Variants in GATAD1 observed in about 807,000 individuals in gnomAD.
GATAD1 encodes the protein GATA zinc finger domain containing 1.
In GATAD1, 12 loss-of-function variants were observed where a neutral mutation model predicts 26.5. That is an observed-to-expected ratio of 0.45 (90% CI 0.29 to 0.73). GATAD1 has a LOEUF of 0.73. GATAD1 is among the 30% of genes least tolerant of loss of function. The probability of loss-of-function intolerance (pLI) is 0.10; values close to 1 mark genes in which losing one functional copy is unlikely to be tolerated. For synonymous variants in GATAD1, 129 were observed against 133.1 expected, an observed-to-expected ratio of 0.97 and a Z score of 0.21; for missense variants, 266 against 342.1, an observed-to-expected ratio of 0.78 and a Z score of 1.75.
the GATAD1 span, chr7:92,477,798 T>C: frequency 5.5e-4 from 99 of 181,012 alleles, no homozygotes; most frequent in Non-Finnish European, 8.6e-4. Flanking sequence ...TCTGCGGTGG[T>C]GGCAAACAGC....
chr7:92,494,663 C>T, the GATAD1 span: 2 of 1,608,546 alleles, frequency 1.2e-6, no homozygotes, highest in African/African-American at 1.3e-5. Flanking sequence ...ATATTTGAAT[C>T]AGGCTTCATA....
chr7:92,488,007 A>G, the GATAD1 span, among the ~76,000 whole-genome samples: 1 of 152,212 alleles, frequency 6.6e-6, no homozygotes, highest in African/African-American at 2.4e-5. Flanking sequence ...AAACAATTAG[A>G]TATGTGCATA....
chr7:92,494,314 T>C, the GATAD1 span: 35 of 1,613,740 alleles, frequency 2.2e-5, no homozygotes, highest in South Asian at 3.7e-4. Context: ...GAGGACAGTA[T>C]ACACATTTAT....
the GATAD1 span, among the ~76,000 whole-genome samples, chr7:92,475,603 A>G: frequency 6.9e-6 from 1 of 144,234 alleles, no homozygotes; most frequent in South Asian, 2.2e-4. Context: ...GTAACCACCC[A>G]TGGACCTCTG....
chr7:92,455,646 A>G (rs1789639276), intron 4 of GATAD1, among the ~76,000 whole-genome samples: 1 of 152,234 alleles, frequency 6.6e-6, no homozygotes, highest in African/African-American at 2.4e-5. Context: ...AGCATGCATC[A>G]TTACTTTTGC....
At chr7:92,450,644 A>C in intron 2 of GATAD1, 57 bp from the exon 3 acceptor site, 1 of 1,147,250 alleles carries the variant, frequency 8.7e-7, no homozygotes, top group Non-Finnish European at 1.3e-6. Context: ...GGGCTGGGAA[A>C]ATGCCTGTAG....
chr7:92,491,377 T>TA, the GATAD1 span: 4 of 1,613,470 alleles, frequency 2.5e-6, no homozygotes, highest in Non-Finnish European at 3.4e-6. Context: ...CGGACATCTC[T>TA]AAAGAAACAA....
In GATAD1 at chr7:92,456,469, A is replaced by G. The variant is rs1158233102; in HGVS notation, c.717A>G (p.Thr239=). ...AGTCACGGTCATCACCATTTCCCAC[A>G]GTTCCCACCAGACCAGAGAAGGGCT... ...YFKSRSSPFP[T]VPTRPEKGYI... is the part of the protein sequence containing the mutation. The change falls in exon 5 of 5, where the codon ACA becomes ACG. Residue 239 remains threonine (T), a synonymous_variant. Coordinates refer to ENST00000287957, the MANE Select transcript of GATAD1 (RefSeq NM_021167.5). The G allele has an allele frequency of 6.2e-7, 1 of 1,611,926 alleles. No homozygotes were observed. Among genetic ancestry groups the G allele is most frequent in the Admixed American group, 1.7e-5 (1 of 60,028 alleles).
At chr7:92,484,350 G>C in the GATAD1 span, among the ~76,000 whole-genome samples, 1 of 152,024 alleles carries the variant, frequency 6.6e-6, no homozygotes, top group African/African-American at 2.4e-5. Context: ...AGAAGGGGGT[G>C]GGTGAGCAGC....
the GATAD1 span, chr7:92,469,603 T>A: frequency 4.4e-6 from 3 of 681,208 alleles, no homozygotes; most frequent in Admixed American, 5.8e-5. Flanking sequence ...GCAGACTATT[T>A]GTGTGGGAGG....
At chr7:92,470,229 C>T in the GATAD1 span, 26 of 778,470 alleles carry the variant, frequency 3.3e-5, no homozygotes, top group African/African-American at 1.2e-4. Context: ...GACTCCTATA[C>T]GATGGGGCAT....
chr7:92,488,488 G>C, the GATAD1 span, among the ~76,000 whole-genome samples: 1 of 152,028 alleles, frequency 6.6e-6, no homozygotes, highest in African/African-American at 2.4e-5. Context: ...CCAGTCCATG[G>C]GTCTCAGATG....
chr7:92,489,226 G>A, the GATAD1 span: 1 of 1,338,110 alleles, frequency 7.5e-7, no homozygotes, highest in South Asian at 1.2e-5. Context: ...GAACTTTAAA[G>A]GTTTAAGTGT....
the GATAD1 span, chr7:92,491,728 A>G: frequency 2.0e-6 from 1 of 490,608 alleles, no homozygotes; most frequent in East Asian, 3.8e-5. Context: ...CCATCCCCCA[A>G]GAAAGTCTGT....
chr7:92,479,806 A>T, the GATAD1 span, among the ~76,000 whole-genome samples: 1 of 152,138 alleles, frequency 6.6e-6, no homozygotes, highest in African/African-American at 2.4e-5. Context: ...TAGAAGGAGC[A>T]TTTATTGTAT....
At chr7:92,452,860 A>G (rs1435044045) in intron 3 of GATAD1, among the ~76,000 whole-genome samples, 1 of 152,264 alleles carries the variant, frequency 6.6e-6, no homozygotes, top group Non-Finnish European at 1.5e-5. Context: ...ATGCTGTGTT[A>G]TGCATAGTAA....
downstream of GATAD1, among the ~76,000 whole-genome samples, chr7:92,464,227 T>C (rs1790024911): frequency 6.6e-6 from 1 of 152,172 alleles, no homozygotes; most frequent in African/African-American, 2.4e-5. Flanking sequence ...GGTGGAGATT[T>C]GCATGTGATG....
At chr7:92,474,254 C>G in the GATAD1 span, among the ~76,000 whole-genome samples, 1 of 152,028 alleles carries the variant, frequency 6.6e-6, no homozygotes, top group Non-Finnish European at 1.5e-5. Context: ...TCCGGGCCTA[C>G]GGCAGACTTT....
chr7:92,460,985 G>A (rs980758450), downstream of GATAD1, among the ~76,000 whole-genome samples: 5 of 152,052 alleles, frequency 3.3e-5, no homozygotes, highest in Admixed American at 6.6e-5. Flanking sequence ...GTGAACAACC[G>A]CTGGCTTTTA....
Sources: gnomAD v4.1 joint callset for allele counts (sites outside exome capture counted in the v4.1 genomes callset) on GRCh38, gnomAD v4.1.1 for gene constraint, MANE v1.5 for transcripts, NCBI Gene and HGNC (gene_info 2026-07-23, HGNC 2026-07-21) for gene names.